Variants in FNBP1L observed in about 807,000 individuals in gnomAD.
FNBP1L encodes the protein formin-binding protein 1-like.
In FNBP1L, 36 loss-of-function variants were observed where a neutral mutation model predicts 91.2. That is an observed-to-expected ratio of 0.39 (90% confidence interval 0.30 to 0.52). FNBP1L has a LOEUF of 0.52. FNBP1L is among the 20% of genes least tolerant of loss of function. FNBP1L has a pLI of 0.66. For synonymous variants in FNBP1L, 242 were observed against 237.0 expected (o/e 1.02, Z -0.19); for missense variants, 571 against 732.1 (o/e 0.78, Z 2.54).
intron 2 of FNBP1L, among the ~76,000 whole-genome samples, chr1:93,514,080 T>C (rs1670971762): frequency 1.3e-5 from 2 of 151,440 alleles, no homozygotes; most frequent in African/African-American, 4.8e-5. Context: ...AGTCTCAGGA[T>C]ACAAAATCAA....
At position 93,465,487 on chromosome 1, in the gene FNBP1L, A is replaced by G. The variant is rs1351111354; in HGVS notation, c.24+17182A>G. On this transcript the variant is annotated intron_variant, in intron 1 of 16. Coordinates refer to ENST00000271234, the MANE Select transcript of FNBP1L (RefSeq NM_001164473.3). ...TCTGTCCTTGTGATAGTTTGCTCAG[A>G]GTGATGGTTTCCAGCTTCATCCATG... Among the ~76,000 whole-genome samples the G allele has an allele frequency of 3.9e-5, 6 of 151,902 alleles. No individual in the cohort carries two copies. The East Asian group carries it at 1.2e-3, about 29-fold the overall frequency.
rs536907562 is a variant in FNBP1L, at chr1:93,457,779, T to TTTATTA, written c.24+9490_24+9495dup. Among the ~76,000 whole-genome samples, 207 of 150,240 alleles carry TTTATTA rather than the reference T, an allele frequency of 1.4e-3. 3 individuals are homozygous for TTTATTA. Among genetic ancestry groups the TTTATTA allele is most frequent in the African/African-American group, 4.9e-3 (198 of 40,652 alleles). On this transcript the variant is annotated intron_variant, in intron 1 of 16. Coordinates refer to ENST00000271234, the MANE Select transcript of FNBP1L (RefSeq NM_001164473.3). Reference sequence around the variant, plus strand: ...TTTATTTTATTTATTTTTTATTTCATTTATTATTATTATTATTATTAATTT... The same window carrying TTTATTA: ...TTTATTTTATTTATTTTTTATTTCATTTATTATTATTATTATTATTATTATTAATTT...
At chr1:93,507,186 C>G (rs780645376) in intron 2 of FNBP1L, among the ~76,000 whole-genome samples, 28 of 126,284 alleles carry the variant, frequency 2.2e-4, no homozygotes, top group Admixed American at 9.3e-4. Context: ...CCCCCCCAAA[C>G]AATGTATCAG....
chr1:93,538,084 AT>A (rs754644797), intron 10 of FNBP1L, among the ~76,000 whole-genome samples: 50 of 152,046 alleles, frequency 3.3e-4, no homozygotes, highest in Non-Finnish European at 5.6e-4. Context: ...TGTATATCCT[AT>A]ATAATGAGTC....
intron 2 of FNBP1L, among the ~76,000 whole-genome samples, chr1:93,521,822 A>G (rs1671337788): frequency 6.6e-6 from 1 of 152,204 alleles, no homozygotes; most frequent in African/African-American, 2.4e-5. Flanking sequence ...CTTATTTGAT[A>G]GTAACATCAA....
chr1:93,491,126 T>G (rs1298286142), intron 1 of FNBP1L, among the ~76,000 whole-genome samples: 1 of 151,934 alleles, frequency 6.6e-6, no homozygotes, highest in Non-Finnish European at 1.5e-5. Flanking sequence ...AAAATTATTT[T>G]TTTTAGAGAT....
rs979710101 is a variant in FNBP1L at position 93,551,914 on chromosome 1, T to A, written c.1811-495T>A. 6 of 985,670 alleles carry A rather than the reference T, an allele frequency of 6.1e-6. No individual in the cohort carries two copies. In the African/African-American group the frequency reaches 1.0e-4, roughly 17 times the overall value. The allele number at this position is 985,670 out of a possible 1,614,324, so 61.1% of individuals were successfully genotyped here. On this transcript the variant is annotated intron_variant, in intron 16 of 16. Coordinates refer to ENST00000271234, the MANE Select transcript of FNBP1L (RefSeq NM_001164473.3). Reference sequence around the variant, plus strand: ...ACCACTTTAGTGATTATTTAGCATTTAGCAGTTACACATAGGAAAATACAC... The same window carrying A: ...ACCACTTTAGTGATTATTTAGCATTAAGCAGTTACACATAGGAAAATACAC...
chr1:93,530,993 TG>T, intron 7 of FNBP1L, 110 bp downstream of exon 7: 1 of 877,196 alleles, frequency 1.1e-6, no homozygotes, highest in Non-Finnish European at 1.7e-6. Flanking sequence ...ACATCAGGGT[TG>T]GGGTGAGAGA....
At chr1:93,458,089 C>T (rs1490794640) in intron 1 of FNBP1L, among the ~76,000 whole-genome samples, 6 of 152,016 alleles carry the variant, frequency 3.9e-5, no homozygotes, top group African/African-American at 7.3e-5. Context: ...GACGCCCGGC[C>T]GGAAACAGGA....
In FNBP1L at chr1:93,453,648, C is replaced by CA. The variant is rs1025682747; in HGVS notation, c.24+5352dup. Reference sequence around the variant, plus strand: ...TCTTTAAACATTTTCACTTCAATAGCAAAAAAAAATCTGTCTTGGGGAATA... The same window carrying CA: ...TCTTTAAACATTTTCACTTCAATAGCAAAAAAAAAATCTGTCTTGGGGAATA... On this transcript the variant is annotated intron_variant, in intron 1 of 16. Coordinates refer to ENST00000271234, the MANE Select transcript of FNBP1L (RefSeq NM_001164473.3). Among the ~76,000 whole-genome samples, 143 of 150,242 alleles carry CA rather than the reference C, an allele frequency of 9.5e-4. 1 individual carries two copies. The highest frequency in any genetic ancestry group is 3.4e-3 in the Middle Eastern group (1 of 292).
At chr1:93,543,998 T>G in intron 11 of FNBP1L, 109 bp from the exon 12 acceptor site, 1 of 725,668 alleles carries the variant, frequency 1.4e-6, no homozygotes. Flanking sequence ...TTGAGGCAAA[T>G]TTGAAATTAA....
At chr1:93,538,026 A>G (rs1671902234) in intron 10 of FNBP1L, among the ~76,000 whole-genome samples, 2 of 152,102 alleles carry the variant, frequency 1.3e-5, no homozygotes, top group African/African-American at 4.8e-5. Flanking sequence ...ATATTGTTAC[A>G]TAAATCATGA....
intron 2 of FNBP1L, among the ~76,000 whole-genome samples, chr1:93,507,730 C>A (rs557137511): frequency 5.9e-5 from 9 of 152,198 alleles, no homozygotes; most frequent in Non-Finnish European, 1.3e-4. Flanking sequence ...CTCAGTGCAA[C>A]CTCCGCTGCC....
At chr1:93,460,422 T>G (rs1220470627) in intron 1 of FNBP1L, among the ~76,000 whole-genome samples, 1 of 152,216 alleles carries the variant, frequency 6.6e-6, no homozygotes, top group Non-Finnish European at 1.5e-5. Flanking sequence ...AATTACCCAG[T>G]CTCAGATACT....
Position 93,530,736 on chromosome 1 carries a change from T to G in FNBP1L, c.511-19T>G. ...TGTGATTTTGTTGTTGATAATAATT[T>G]CGACCATTTTGCCCCTAGGCCAAAC... On this transcript the variant is annotated intron_variant, in intron 6 of 16. Transcript: ENST00000271234. 1.3e-6 allele frequency: 2 copies of G among 1,591,584 alleles called. No individual in the cohort carries two copies. The highest frequency in any genetic ancestry group is 1.7e-6 in the Non-Finnish European group (2 of 1,169,434).
At chr1:93,518,384 ATAAAG>A (rs1190919140) in intron 2 of FNBP1L, among the ~76,000 whole-genome samples, 1 of 152,188 alleles carries the variant, frequency 6.6e-6, no homozygotes, top group Admixed American at 6.5e-5. Context: ...AAACAATTTT[ATAAAG>A]TAGTCACAAG....
intron 1 of FNBP1L, among the ~76,000 whole-genome samples, chr1:93,463,353 A>G (rs970711492): frequency 6.6e-6 from 1 of 151,932 alleles, no homozygotes; most frequent in East Asian, 1.9e-4. Context: ...TTCTTTTAGG[A>G]CCTCTTAGCT....
intron 1 of FNBP1L, among the ~76,000 whole-genome samples, chr1:93,465,528 T>G (rs1264819599): frequency 6.6e-6 from 1 of 152,208 alleles, no homozygotes; most frequent in Non-Finnish European, 1.5e-5. Context: ...GCAAAGGACA[T>G]GAACTCATCC....
At chr1:93,549,147 T>C (rs237428) in intron 14 of FNBP1L, 131 bp from the exon 15 acceptor site, 8,683 of 621,576 alleles carry the variant, frequency 0.014, 468 homozygotes, top group African/African-American at 0.13. Flanking sequence ...TTGAAAAAAA[T>C]AGGGCTTAAG....
Sources: gnomAD v4.1 joint callset for allele counts (sites outside exome capture counted in the v4.1 genomes callset) on GRCh38, gnomAD v4.1.1 for gene constraint, MANE v1.5 for transcripts, NCBI Gene and HGNC (gene_info 2026-07-23, HGNC 2026-07-21) for gene names.